ADAMTSL1: variants seen among roughly 807,000 people sequenced by gnomAD.
ADAMTSL1 encodes the protein ADAMTS like 1, also known as ADAMTS-like protein 1.
In ADAMTSL1, 126 loss-of-function variants were observed where a neutral mutation model predicts 201.8. The observed-to-expected ratio is 0.62, with a 90% CI of 0.54 to 0.72. The LOEUF is 0.72. Ranked by LOEUF, ADAMTSL1 falls within the 30% of genes least tolerant of loss-of-function variation. The pLI is 0.00. For missense variants in ADAMTSL1, 2,679 were observed against 2,277.8 expected, an observed-to-expected ratio of 1.18 and a Z score of -3.59; for synonymous variants, 1,121 against 903.4, an observed-to-expected ratio of 1.24 and a Z score of -4.32.
intron 13 of ADAMTSL1, among the ~76,000 whole-genome samples, chr9:18,686,216 T>A (rs574682807): frequency 2.0e-5 from 3 of 152,186 alleles, no homozygotes; most frequent in African/African-American, 7.2e-5. Flanking sequence ...CCACAGCGCC[T>A]GGCCCGGGAA....
At chr9:18,293,691 G>GGATT (rs1357521404) in intron 2 of ADAMTSL1, among the ~76,000 whole-genome samples, 10 of 152,162 alleles carry the variant, frequency 6.6e-5, no homozygotes, top group Non-Finnish European at 1.2e-4. Context: ...CCCCTCTGCA[G>GGATT]GATTGTATGT....
chr9:18,440,919 A>G (rs2133452425), intron 2 of ADAMTSL1, among the ~76,000 whole-genome samples: 1 of 152,268 alleles, frequency 6.6e-6, no homozygotes, highest in South Asian at 2.1e-4. Context: ...TTAGCGGCTC[A>G]TCCAAACAAA....
chr9:18,268,796 A>T (rs952993446), intron 2 of ADAMTSL1, among the ~76,000 whole-genome samples: 1 of 152,126 alleles, frequency 6.6e-6, no homozygotes, highest in Non-Finnish European at 1.5e-5. Flanking sequence ...TCTTTTGTTT[A>T]TTCTTGAGAT....
chr9:18,199,594 A>G (rs973559233), intron 2 of ADAMTSL1, among the ~76,000 whole-genome samples: 6 of 152,124 alleles, frequency 3.9e-5, no homozygotes, highest in Admixed American at 6.6e-5. Context: ...AATAGCTCTT[A>G]ATATGTAAAA....
intron 2 of ADAMTSL1, among the ~76,000 whole-genome samples, chr9:18,346,306 C>T (rs985008180): frequency 7.2e-5 from 10 of 139,162 alleles, no homozygotes; most frequent in African/African-American, 2.7e-4. Context: ...GCTAGTTCAG[C>T]GTCACTATTA....
intron 1 of ADAMTSL1, among the ~76,000 whole-genome samples, chr9:18,029,098 T>G (rs1391937626): frequency 6.6e-6 from 1 of 152,216 alleles, no homozygotes; most frequent in Non-Finnish European, 1.5e-5. Context: ...TTGTGATTTT[T>G]GCACATTGAT....
At chr9:18,314,829 C>T (rs1360912080) in intron 2 of ADAMTSL1, among the ~76,000 whole-genome samples, 1 of 99,336 alleles carries the variant, frequency 1.0e-5, no homozygotes, top group Non-Finnish European at 1.8e-5. Context: ...CGGAGTCTTG[C>T]TCTGTCGCCC....
At chr9:18,018,312 T>G (rs1314524772) in intron 1 of ADAMTSL1, among the ~76,000 whole-genome samples, 1 of 152,098 alleles carries the variant, frequency 6.6e-6, no homozygotes, top group Non-Finnish European at 1.5e-5. Flanking sequence ...TCATACAGAC[T>G]CTGAGACAGT....
Position 18,889,616 on chromosome 9 carries a change from G to A in ADAMTSL1, c.4511G>A (p.Gly1504Asp). The A allele has an allele frequency of 6.2e-7, 1 of 1,613,770 alleles. No individual in the cohort carries two copies. The highest frequency in any genetic ancestry group is 8.5e-7 in the Non-Finnish European group (1 of 1,179,808). ...DRLATCSASC[G>D]NRGVQQPRLR... ...CTGGCAACCTGCTCAGCCTCCTGTG[G>A]TAACCGGGGGGTTCAGCAGCCCCGC... The change falls in exon 25 of 29, where the codon GGT becomes GAT. Residue 1504 changes from glycine to aspartate, a missense_variant. Transcript: ENST00000380548.
At chr9:18,403,159 T>C in intron 2 of ADAMTSL1, among the ~76,000 whole-genome samples, 1 of 151,946 alleles carries the variant, frequency 6.6e-6, no homozygotes, top group East Asian at 1.9e-4. Flanking sequence ...TTGTAATCTT[T>C]TTTTTTTTAT....
intron 1 of ADAMTSL1, among the ~76,000 whole-genome samples, chr9:17,967,444 T>C (rs1256234779): frequency 6.6e-6 from 1 of 152,144 alleles, no homozygotes; most frequent in Admixed American, 6.6e-5. Flanking sequence ...GATGGGTAAC[T>C]ATAGTAATAC....
intron 23 of ADAMTSL1, among the ~76,000 whole-genome samples, chr9:18,836,555 T>C (rs925246660): frequency 2.0e-5 from 3 of 152,168 alleles, no homozygotes; most frequent in African/African-American, 7.2e-5. Context: ...TTGTTCTTTT[T>C]ATTTAGGATC....
At chr9:18,157,357 A>G (rs1049459828) in intron 1 of ADAMTSL1, among the ~76,000 whole-genome samples, 1 of 152,026 alleles carries the variant, frequency 6.6e-6, no homozygotes, top group East Asian at 1.9e-4. Flanking sequence ...GTCAAGGTGT[A>G]GATATCTATC....
At chr9:18,859,713 C>T (rs1827089309) in intron 23 of ADAMTSL1, among the ~76,000 whole-genome samples, 1 of 152,098 alleles carries the variant, frequency 6.6e-6, no homozygotes, top group South Asian at 2.1e-4. Flanking sequence ...TATTTGGTCA[C>T]AGAGATGTAT....
chr9:18,335,411 C>G (rs186377709), intron 2 of ADAMTSL1, among the ~76,000 whole-genome samples: 198 of 152,092 alleles, frequency 1.3e-3, no homozygotes, highest in African/African-American at 4.1e-3. Context: ...TACCAACAAC[C>G]AACCTACTGA....
At chr9:18,592,993 A>T (rs1824023232) in intron 4 of ADAMTSL1, among the ~76,000 whole-genome samples, 1 of 152,198 alleles carries the variant, frequency 6.6e-6, no homozygotes, top group Non-Finnish European at 1.5e-5. Flanking sequence ...AAATGAGATT[A>T]CTTTCTTGAT....
At chr9:18,900,326 G>T (rs1296822146) in intron 26 of ADAMTSL1, among the ~76,000 whole-genome samples, 4 of 152,232 alleles carry the variant, frequency 2.6e-5, no homozygotes, top group Non-Finnish European at 5.9e-5. Context: ...CACACTGTTG[G>T]TGAGAATATA....
intron 2 of ADAMTSL1, among the ~76,000 whole-genome samples, chr9:18,406,321 T>TTTCTTTTCTTTTCTTTTCTA (rs1818199660): frequency 6.7e-6 from 1 of 148,706 alleles, no homozygotes; most frequent in Non-Finnish European, 1.5e-5. Context: ...TTTCTTTTCT[T>TTTCTTTTCTTTTCTTTTCTA]TTCTTTTCTT....
intron 1 of ADAMTSL1, among the ~76,000 whole-genome samples, chr9:18,072,973 G>A (rs957693906): frequency 6.6e-6 from 1 of 152,160 alleles, no homozygotes; most frequent in African/African-American, 2.4e-5. Context: ...CCAGTTTGAT[G>A]TTTGTTGCCT....
Sources: allele counts gnomAD v4.1 joint callset (sites outside exome capture counted in the v4.1 genomes callset), GRCh38; gene constraint gnomAD v4.1.1; transcripts MANE v1.5; gene names NCBI Gene and HGNC (gene_info 2026-07-23, HGNC 2026-07-21).